Variants in PRKAR1A observed in about 807,000 individuals in gnomAD.
PRKAR1A encodes the protein protein kinase cAMP-dependent type I regulatory subunit alpha, also known as cAMP-dependent protein kinase type I-alpha regulatory subunit.
A neutral mutation model predicts 52.0 loss-of-function variants in PRKAR1A; 3 were observed. The observed-to-expected ratio is 0.06, with a 90% confidence interval of 0.03 to 0.15. The LOEUF (loss-of-function observed/expected upper bound fraction) is 0.15. Ranked by LOEUF, PRKAR1A falls within the 10% of genes least tolerant of loss-of-function variation. The probability of loss-of-function intolerance (pLI) is 1.00; values close to 1 mark genes in which losing one functional copy is unlikely to be tolerated. For synonymous variants in PRKAR1A, 188 were observed against 168.4 expected, an observed-to-expected ratio of 1.12 and a Z score of -0.90; for missense variants, 240 against 477.4, an observed-to-expected ratio of 0.50 and a Z score of 4.63.
At chr17:68,474,403 C>G in the PRKAR1A span, among the ~76,000 whole-genome samples, 36 of 152,108 alleles carry the variant, frequency 2.4e-4, no homozygotes, top group Admixed American at 6.6e-4. Flanking sequence ...CAGGCGTGTA[C>G]AGGAGGTGTT....
intron 2 of PRKAR1A, 149 bp downstream of exon 2, chr17:68,515,725 G>T: frequency 1.0e-6 from 1 of 974,882 alleles, no homozygotes; most frequent in South Asian, 1.6e-5. Flanking sequence ...TACAGTTAAG[G>T]CATTTGTAGT....
the PRKAR1A span, chr17:68,426,252 G>GGGGGGGGGGT: frequency 8.5e-6 from 7 of 828,188 alleles, 1 homozygote; most frequent in Admixed American, 4.7e-5. Flanking sequence ...TGGGGAGCGG[G>GGGGGGGGGGT]GGCTCAAATA....
the PRKAR1A span, among the ~76,000 whole-genome samples, chr17:68,495,802 A>C: frequency 1.3e-5 from 2 of 151,200 alleles, no homozygotes; most frequent in Non-Finnish European, 2.9e-5. Flanking sequence ...AATGGGTCTC[A>C]ATAGGCTGAA....
the PRKAR1A span, chr17:68,426,213 G>A: frequency 1.5e-6 from 2 of 1,293,484 alleles, no homozygotes; most frequent in Non-Finnish European, 2.2e-6. Flanking sequence ...AAGCACTGGG[G>A]ATCTGCTTTT....
intron 1 of PRKAR1A, 99 bp from the exon 2 acceptor site, chr17:68,515,295 C>G: frequency 7.3e-7 from 1 of 1,369,018 alleles, no homozygotes; most frequent in Non-Finnish European, 1.0e-6. Context: ...AGAAAAAAAT[C>G]CCTGTGAATC....
intron 8 of PRKAR1A, chr17:68,528,613 C>T (rs2143361963): frequency 8.1e-6 from 4 of 492,440 alleles, no homozygotes; most frequent in South Asian, 5.6e-5. Flanking sequence ...TTTCTTATTC[C>T]CTTGCCATTT....
At chr17:68,448,071 A>G in the PRKAR1A span, among the ~76,000 whole-genome samples, 122 of 152,228 alleles carry the variant, frequency 8.0e-4, no homozygotes, top group African/African-American at 2.8e-3. Context: ...CTGTTTTTCA[A>G]AAAAGAAACT....
chr17:68,503,628 G>C, the PRKAR1A span, among the ~76,000 whole-genome samples: 449 of 152,270 alleles, frequency 2.9e-3, 10 homozygotes, highest in Non-Finnish European at 1.0e-3. Flanking sequence ...GTGGCATTCT[G>C]CAAAAAGCAA....
upstream of PRKAR1A, among the ~76,000 whole-genome samples, chr17:68,508,281 C>A (rs1038406797): frequency 3.9e-5 from 6 of 152,180 alleles, no homozygotes; most frequent in African/African-American, 1.4e-4. Context: ...TGGAATCAAC[C>A]TAAATGCCCA....
In PRKAR1A at chr17:68,532,143, TAATC is replaced by T. The variant is rs2085992968; in HGVS notation, c.*1695_*1698del. The T allele has an allele frequency of 9.5e-7, 1 of 1,054,536 alleles. No individual in the cohort carries two copies. Among genetic ancestry groups the T allele is most frequent in the Non-Finnish European group, 1.2e-6 (1 of 869,418 alleles). The allele number at this position is 1,054,536 out of a possible 1,614,324, so 65.3% of individuals were successfully genotyped here. A position where few individuals can be genotyped will look rare whatever the true frequency, so the allele number is the denominator to read the frequency against. ...GTTACAAATTTTTTAATTTCCAAAA[TAATC>T]TATATTAAATGAGGGTTTCTGATCT... On this transcript the variant is annotated 3_prime_UTR_variant, in exon 11 of 11. Transcript: ENST00000589228.
At chr17:68,493,570 A>G in the PRKAR1A span, 1 of 149,918 alleles carries the variant, frequency 6.7e-6, no homozygotes, top group East Asian at 2.0e-4. Context: ...CTTTGCACTG[A>G]TGCCAAAGAT....
chr17:68,537,228 G>A (rs1386121110), downstream of PRKAR1A: 3 of 646,528 alleles, frequency 4.6e-6, no homozygotes, highest in African/African-American at 1.8e-5. This position sits in a 1 kb window ranked among gnomAD's most constrained non-coding sequence, Gnocchi z 4.2. Flanking sequence ...TCAGGAGATC[G>A]TCGGTGGCCT....
At chr17:68,501,397 G>A in the PRKAR1A span, among the ~76,000 whole-genome samples, 2 of 152,168 alleles carry the variant, frequency 1.3e-5, no homozygotes, top group African/African-American at 2.4e-5. Flanking sequence ...CCCAGGAGGT[G>A]CTGCATTCAC....
Position 68,529,900 on chromosome 17 carries a change from T to G in PRKAR1A, c.892-20T>G. ...TTTGAGAGTGTGTGTTTGTTTAGCT[T>G]TTTGGTGATTTTATTATAGGGGTCA... On this transcript the variant is annotated intron_variant, in intron 9 of 10. Transcript: ENST00000589228. The G allele has an allele frequency of 6.2e-7, 1 of 1,612,800 alleles. No homozygotes were observed. The highest frequency in any genetic ancestry group is 8.5e-7 in the Non-Finnish European group (1 of 1,178,860).
At chr17:68,529,293 C>CTA (rs1205901862) in intron 9 of PRKAR1A, among the ~76,000 whole-genome samples, 1 of 152,098 alleles carries the variant, frequency 6.6e-6, no homozygotes, top group African/African-American at 2.4e-5. Flanking sequence ...TGATTCTGCA[C>CTA]TATTCTTGTT....
the PRKAR1A span, chr17:68,430,172 T>C: frequency 6.2e-7 from 1 of 1,608,028 alleles, no homozygotes; most frequent in Non-Finnish European, 8.5e-7. Flanking sequence ...TAGGGAGTAA[T>C]GCACAGGCAA....
At chr17:68,525,549 TAAATC>T (rs905931321) in intron 6 of PRKAR1A, among the ~76,000 whole-genome samples, 200 bp from the exon 7 acceptor site, 1 of 152,160 alleles carries the variant, frequency 6.6e-6, no homozygotes, top group African/African-American at 2.4e-5. Flanking sequence ...ATCAGATAAT[TAAATC>T]AGGTAAATTA....
At chr17:68,541,105 G>A in intron 11 of PRKAR1A, 1 of 1,201,164 alleles carries the variant, frequency 8.3e-7, no homozygotes, top group Non-Finnish European at 1.2e-6. Flanking sequence ...GAAAGGCCCT[G>A]GGCAAGGACG....
In PRKAR1A at chr17:68,515,877, G is replaced by A. The variant is rs1422446009; in HGVS notation, c.177+301G>A. 4 of 372,572 alleles carry A rather than the reference G, an allele frequency of 1.1e-5. No individual in the cohort carries two copies. The Admixed American group carries it at 1.7e-4, about 16-fold the overall frequency. The allele number at this position is 372,572 out of a possible 1,614,324, so 23.1% of individuals were successfully genotyped here. Reference sequence around the variant, plus strand: ...GAACTATAACAGATAAAACTGATCAGAACTAGTATAGCAGTTCTATGAATA... The same window carrying A: ...GAACTATAACAGATAAAACTGATCAAAACTAGTATAGCAGTTCTATGAATA... On this transcript the variant is annotated intron_variant, in intron 2 of 10. Transcript: ENST00000589228.
Sources: allele counts gnomAD v4.1 joint callset (sites outside exome capture counted in the v4.1 genomes callset), GRCh38; gene constraint gnomAD v4.1.1; non-coding constraint Gnocchi (gnomAD v3.1); transcripts MANE v1.5; gene names NCBI Gene and HGNC (gene_info 2026-07-23, HGNC 2026-07-21).